Variants in CASQ2 observed in about 807,000 individuals in gnomAD.
The protein encoded by CASQ2 is calsequestrin 2, also known as calsequestrin-2.
CASQ2 carries 49 observed loss-of-function variants against 46.5 expected under a neutral mutation model. The ratio of observed to expected loss-of-function variants is 1.05; its 90% CI spans 0.84 to 1.34. The LOEUF is 1.34. CASQ2 is among the 40% of genes most tolerant of loss of function. The pLI is 0.00. For missense variants in CASQ2, 486 were observed against 481.3 expected, an observed-to-expected ratio of 1.01 and a Z score of -0.09; for synonymous variants, 174 against 168.5, an observed-to-expected ratio of 1.03 and a Z score of -0.25.
At position 115,701,223 on chromosome 1, in the gene CASQ2, G is replaced by C. The variant is rs1024328511; in HGVS notation, c.*18C>G. On this transcript the variant is annotated 3_prime_UTR_variant, in exon 11 of 11. Transcript: ENST00000261448. ...GGGTGCTGTGATTTTGTTTTCATCA[G>C]AATTGTTTGGAGTTGGGCTATTCAT... The C allele has an allele frequency of 1.9e-6, 3 of 1,613,684 alleles. No homozygotes were observed.
intron 1 of CASQ2, among the ~76,000 whole-genome samples, chr1:115,751,367 A>AT (rs1648572404): frequency 6.6e-6 from 1 of 152,184 alleles, no homozygotes; most frequent in Non-Finnish European, 1.5e-5. Context: ...TAGGAAATTC[A>AT]TTAAAAAAAA....
intron 5 of CASQ2, among the ~76,000 whole-genome samples, chr1:115,732,672 AC>A (rs1408301369): frequency 6.6e-6 from 1 of 152,186 alleles, no homozygotes; most frequent in African/African-American, 2.4e-5. Context: ...GTGGGTCATC[AC>A]TTTTCCTTGG....
chr1:115,752,110 A>G (rs1648601447), intron 1 of CASQ2, among the ~76,000 whole-genome samples: 1 of 152,144 alleles, frequency 6.6e-6, no homozygotes, highest in Admixed American at 6.5e-5. Context: ...CCTCACTCCA[A>G]ATAGAATTCC....
At chr1:115,718,244 G>A (rs893454862) in intron 7 of CASQ2, among the ~76,000 whole-genome samples, 5 of 152,222 alleles carry the variant, frequency 3.3e-5, no homozygotes, top group Non-Finnish European at 7.3e-5. Flanking sequence ...GAAAGAACAT[G>A]AGTCTGGTTT....
chr1:115,753,706 C>A (rs1306430453), intron 1 of CASQ2, among the ~76,000 whole-genome samples: 1 of 152,230 alleles, frequency 6.6e-6, no homozygotes, highest in Non-Finnish European at 1.5e-5. Flanking sequence ...CAGCTCTAAC[C>A]CAGGGAAAGA....
intron 1 of CASQ2, among the ~76,000 whole-genome samples, chr1:115,768,030 G>A (rs1649190343): frequency 6.6e-6 from 1 of 152,114 alleles, no homozygotes; most frequent in Non-Finnish European, 1.5e-5. Context: ...GCTGGGACAA[G>A]GGCCCTTGAA....
At chr1:115,705,765 T>G (rs113421139) in intron 8 of CASQ2, among the ~76,000 whole-genome samples, 6 of 152,314 alleles carry the variant, frequency 3.9e-5, no homozygotes, top group African/African-American at 1.4e-4. Flanking sequence ...CAAACGAGCT[T>G]CTGATTTACA....
At chr1:115,766,679 G>A (rs567257998) in intron 1 of CASQ2, among the ~76,000 whole-genome samples, 321 of 152,230 alleles carry the variant, frequency 2.1e-3, no homozygotes, top group Admixed American at 3.9e-3. Flanking sequence ...AGCTTTAGCA[G>A]CCTGAGGGGC....
At chr1:115,731,901 G>C (rs1378184555) in intron 5 of CASQ2, among the ~76,000 whole-genome samples, 1 of 152,026 alleles carries the variant, frequency 6.6e-6, no homozygotes, top group Non-Finnish European at 1.5e-5. Flanking sequence ...AAATTTTTTT[G>C]AATTTATTAT....
chr1:115,727,163 A>C, intron 5 of CASQ2, 41 bp from the exon 6 acceptor site: 1 of 1,427,126 alleles, frequency 7.0e-7, no homozygotes, highest in Non-Finnish European at 9.9e-7. Context: ...TTTGAATACT[A>C]GTCTAGAATA....
chr1:115,726,225 C>G (rs1647584118), intron 6 of CASQ2, among the ~76,000 whole-genome samples: 1 of 152,192 alleles, frequency 6.6e-6, no homozygotes, highest in Admixed American at 6.5e-5. Flanking sequence ...GCCAGTGAGT[C>G]CACTACCATG....
intron 1 of CASQ2, among the ~76,000 whole-genome samples, chr1:115,748,862 C>T (rs946340797): frequency 1.6e-4 from 24 of 152,140 alleles, no homozygotes; most frequent in African/African-American, 4.8e-4. Context: ...ACTCCTAGTA[C>T]GTGAGCCTCT....
intron 1 of CASQ2, among the ~76,000 whole-genome samples, chr1:115,765,603 T>G (rs1370938013): frequency 1.3e-5 from 2 of 152,160 alleles, no homozygotes; most frequent in East Asian, 3.9e-4. Context: ...AAAAAAAAAT[T>G]TAATTCCCCA....
intron 1 of CASQ2, among the ~76,000 whole-genome samples, chr1:115,761,869 A>G (rs560862417): frequency 6.6e-6 from 1 of 152,278 alleles, no homozygotes; most frequent in Admixed American, 6.5e-5. Flanking sequence ...ATATTATTGG[A>G]AAGTAACCTA....
At chr1:115,761,148 C>T (rs1026447733) in intron 1 of CASQ2, among the ~76,000 whole-genome samples, 17 of 151,398 alleles carry the variant, frequency 1.1e-4, no homozygotes, top group Admixed American at 1.1e-3. Context: ...TCTCAGTTTT[C>T]CCAAGCACTG....
intron 7 of CASQ2, among the ~76,000 whole-genome samples, chr1:115,723,570 C>T (rs1018895957): frequency 2.6e-5 from 4 of 151,938 alleles, no homozygotes; most frequent in Non-Finnish European, 5.9e-5. Context: ...CAGGGTCTCA[C>T]TCTGTTGCCC....
chr1:115,735,758 TGAAAA>T (rs1241694886), intron 4 of CASQ2, among the ~76,000 whole-genome samples: 2 of 152,124 alleles, frequency 1.3e-5, no homozygotes, highest in South Asian at 2.1e-4. Flanking sequence ...CATTTGTCAA[TGAAAA>T]GAAAAGTGAT....
chr1:115,752,242 C>T (rs974569071), intron 1 of CASQ2, among the ~76,000 whole-genome samples: 1 of 152,200 alleles, frequency 6.6e-6, no homozygotes, highest in African/African-American at 2.4e-5. Context: ...GATCATCACA[C>T]TCCATGCTTT....
chr1:115,719,007 T>C (rs1379815377), intron 7 of CASQ2, among the ~76,000 whole-genome samples: 1 of 152,162 alleles, frequency 6.6e-6, no homozygotes, highest in Non-Finnish European at 1.5e-5. Flanking sequence ...AGAATCATCC[T>C]ATGGAAAAAC....
Sources: allele counts gnomAD v4.1 joint callset (sites outside exome capture counted in the v4.1 genomes callset), GRCh38; gene constraint gnomAD v4.1.1; transcripts MANE v1.5; gene names NCBI Gene and HGNC (gene_info 2026-07-23, HGNC 2026-07-21).